HSPH1: variants seen among roughly 807,000 people sequenced by gnomAD.
The protein encoded by HSPH1 is heat shock protein 105 kDa.
Under a neutral mutation model 100.0 loss-of-function variants are expected in HSPH1, and 40 were observed. That is an observed-to-expected ratio of 0.40 (90% confidence interval 0.31 to 0.52). The LOEUF (loss-of-function observed/expected upper bound fraction) is 0.52. Among genes scored for constraint, HSPH1 ranks in the 20% least tolerant of loss-of-function variants. The pLI is 0.54. For synonymous variants in HSPH1, 403 were observed against 344.0 expected (o/e 1.17, Z -1.90); for missense variants, 876 against 1,015.1 (o/e 0.86, Z 1.86).
intron 12 of HSPH1, among the ~76,000 whole-genome samples, chr13:31,141,487 A>C (rs545758852): frequency 2.0e-5 from 3 of 151,992 alleles, no homozygotes; most frequent in Non-Finnish European, 4.4e-5. Context: ...TTTCTCTTCT[A>C]TATTGAACAA....
chr13:31,152,014 G>A (rs762867572), intron 5 of HSPH1: 12 of 324,716 alleles, frequency 3.7e-5, no homozygotes, highest in Admixed American at 9.4e-5. Context: ...ACATAACCAC[G>A]TATCACAGAC....
rs759681676 is a variant in HSPH1 at position 31,154,654 on chromosome 13, T to C, written c.408A>G (p.Pro136=). Reference sequence around the variant, plus strand: ...TTACTGAAATAACACAATCTGTTACTGGTTTCTTGAGGCTGTTTTCAGCAG... The same window carrying C: ...TTACTGAAATAACACAATCTGTTACCGGTTTCTTGAGGCTGTTTTCAGCAG... ...KETAENSLKK[P]VTDCVISVPS... The change falls in exon 4 of 18, where the codon CCA becomes CCG. Residue 136 remains proline (P), a synonymous_variant. Coordinates refer to ENST00000320027, the MANE Select transcript of HSPH1 (RefSeq NM_006644.4). 8.1e-6 allele frequency: 13 copies of C among 1,613,994 alleles called. No individual in the cohort carries two copies. The highest frequency in any genetic ancestry group is 1.3e-5 in the African/African-American group (1 of 74,942).
intron 4 of HSPH1, 23 bp from the exon 5 acceptor site, chr13:31,152,974 G>C: frequency 6.9e-7 from 1 of 1,458,244 alleles, no homozygotes; most frequent in Non-Finnish European, 9.6e-7. Flanking sequence ...AAAAAATTTT[G>C]AATTATCTAG....
At chr13:31,153,153 C>T (rs189405598) in intron 4 of HSPH1, among the ~76,000 whole-genome samples, 148 of 152,202 alleles carry the variant, frequency 9.7e-4, no homozygotes, top group African/African-American at 3.3e-3. Context: ...CCCAAAATTA[C>T]AGGATCAAAA....
In HSPH1 at chr13:31,161,865, C is replaced by T; in HGVS notation, c.-283G>A. The T allele has an allele frequency of 6.7e-7, 1 of 1,484,024 alleles. No individual in the cohort carries two copies. Among genetic ancestry groups the T allele is most frequent in the Non-Finnish European group, 8.9e-7 (1 of 1,118,914 alleles). The allele number at this position is 1,484,024 out of a possible 1,614,324, so 91.9% of individuals were successfully genotyped here. A position where few individuals can be genotyped will look rare whatever the true frequency, so the allele number is the denominator to read the frequency against. Reference sequence around the variant, plus strand: ...CCTCGGGTTGCCTGCCTCACTCTGCCGCGGCTCGCACACCGGCGCCGGCGC... The same window carrying T: ...CCTCGGGTTGCCTGCCTCACTCTGCTGCGGCTCGCACACCGGCGCCGGCGC... On this transcript the variant is annotated 5_prime_UTR_variant, in exon 1 of 18. Transcript: ENST00000320027.
chr13:31,141,268 G>T lies in HSPH1; in HGVS notation c.1717-9C>A. On this transcript the variant is annotated splice_polypyrimidine_tract_variant and intron_variant, in intron 12 of 17. Coordinates refer to ENST00000320027, the MANE Select transcript of HSPH1 (RefSeq NM_006644.4). ...ACTTTTTTTTCATTTGCCTTGGGAA[G>T]AGGAATAAAAAAAGGAAAAAATTTT... The T allele has an allele frequency of 6.3e-7, 1 of 1,577,600 alleles. No homozygotes were observed. The highest frequency in any genetic ancestry group is 8.6e-7 in the Non-Finnish European group (1 of 1,166,090).
intron 12 of HSPH1, among the ~76,000 whole-genome samples, chr13:31,143,128 C>A (rs1956155545): frequency 6.6e-6 from 1 of 152,018 alleles, no homozygotes; most frequent in African/African-American, 2.4e-5. Flanking sequence ...TTACATGTAA[C>A]TTGTACAGAA....
At chr13:31,156,159 G>A (rs1387887619) in intron 2 of HSPH1, among the ~76,000 whole-genome samples, 2 of 152,240 alleles carry the variant, frequency 1.3e-5, no homozygotes, top group African/African-American at 4.8e-5. Context: ...GGGAGGCCAA[G>A]GCGGGTGGAT....
chr13:31,156,578 A>AT (rs397749235), intron 2 of HSPH1, among the ~76,000 whole-genome samples: 55 of 151,712 alleles, frequency 3.6e-4, no homozygotes, highest in Admixed American at 4.6e-4. Flanking sequence ...AAAAAAAAAA[A>AT]TTAAAGTTAA....
Position 31,148,338 on chromosome 13 carries a change from C to A in HSPH1, c.1244+36G>T, listed in dbSNP as rs1277815034. ...GTCATTTGTTAATTTTTCTTCTTTA[C>A]ATTATAGTATCTGAATGTTATTTTC... On this transcript the variant is annotated intron_variant, in intron 9 of 17. Transcript: ENST00000320027. 7 of 1,282,430 alleles carry A rather than the reference C, an allele frequency of 5.5e-6. No individual in the cohort carries two copies. In the Admixed American group the frequency reaches 1.3e-4, roughly 24 times the overall value. The allele number at this position is 1,282,430 out of a possible 1,614,324, so 79.4% of individuals were successfully genotyped here.
At chr13:31,140,996 A>G (rs1408548519) in intron 13 of HSPH1, 126 bp downstream of exon 13, 6 of 582,374 alleles carry the variant, frequency 1.0e-5, no homozygotes, top group Non-Finnish European at 1.7e-5. Flanking sequence ...TCTTCATCCT[A>G]TCCCTAAAAC....
chr13:31,148,299 ACT>A (rs1956344003), intron 9 of HSPH1, 73 bp downstream of exon 9: 1 of 1,048,564 alleles, frequency 9.5e-7, no homozygotes, highest in Non-Finnish European at 1.4e-6. Flanking sequence ...TTTGTTAATG[ACT>A]CTACTAGAGA....
chr13:31,161,808 A>T lies in HSPH1; in HGVS notation c.-226T>A. The T allele has an allele frequency of 6.8e-7, 1 of 1,481,264 alleles. No individual in the cohort carries two copies. Among genetic ancestry groups the T allele is most frequent in the Non-Finnish European group, 8.9e-7 (1 of 1,117,330 alleles). 91.8% of individuals were successfully genotyped at this position (1,481,264 alleles called of 1,614,324 possible). ...TGGCTGATAAGAAACCCTGGGAGAA[A>T]GCGGGGCTCAGCCTCCGCAGGTCGC... On this transcript the variant is annotated 5_prime_UTR_variant, in exon 1 of 18. Coordinates refer to ENST00000320027, the MANE Select transcript of HSPH1 (RefSeq NM_006644.4).
chr13:31,145,038 T>G (rs1956220667), intron 11 of HSPH1, among the ~76,000 whole-genome samples: 2 of 152,170 alleles, frequency 1.3e-5, no homozygotes, highest in South Asian at 4.1e-4. Context: ...CACACAGAAC[T>G]AGCACTCATG....
intron 2 of HSPH1, 29 bp downstream of exon 2, chr13:31,158,777 A>G (rs755189295): frequency 1.3e-6 from 2 of 1,490,532 alleles, no homozygotes; most frequent in Admixed American, 1.7e-5. Context: ...CCCCTTAAAA[A>G]GTGATCCGAA....
intron 5 of HSPH1, chr13:31,152,427 G>A (rs903448730): frequency 5.2e-5 from 9 of 172,684 alleles, no homozygotes; most frequent in African/African-American, 2.2e-4. Flanking sequence ...CATTCAAATA[G>A]TACAGGCTTA....
intron 1 of HSPH1, among the ~76,000 whole-genome samples, chr13:31,160,372 A>T (rs1028029829): frequency 3.9e-5 from 6 of 152,096 alleles, no homozygotes; most frequent in African/African-American, 1.4e-4. Flanking sequence ...CAGATTTTCC[A>T]CTCAACTTTC....
intron 1 of HSPH1, among the ~76,000 whole-genome samples, chr13:31,159,133 A>C (rs1956807492): frequency 6.6e-6 from 1 of 152,200 alleles, no homozygotes; most frequent in Non-Finnish European, 1.5e-5. Context: ...TATGAACCGA[A>C]CATTAACTTT....
rs1311828519 is a variant in HSPH1, at chr13:31,141,103, A to G, written c.1854+19T>C. 6.9e-7 allele frequency: 1 copy of G among 1,448,466 alleles called. No individual in the cohort carries two copies. Among genetic ancestry groups the G allele is most frequent in the Non-Finnish European group, 9.3e-7 (1 of 1,071,206 alleles). The allele number at this position is 1,448,466 out of a possible 1,614,324, so 89.7% of individuals were successfully genotyped here. A position where few individuals can be genotyped will look rare whatever the true frequency, so the allele number is the denominator to read the frequency against. On this transcript the variant is annotated intron_variant, in intron 13 of 17. Coordinates refer to ENST00000320027, the MANE Select transcript of HSPH1 (RefSeq NM_006644.4). ...ACTAAACATATTTCAAAATAAAAAT[A>G]TTTAATTGAAGTACTTACCTCTGTC...
Sources: gnomAD v4.1 joint callset for allele counts (sites outside exome capture counted in the v4.1 genomes callset) on GRCh38, gnomAD v4.1.1 for gene constraint, MANE v1.5 for transcripts, NCBI Gene and HGNC (gene_info 2026-07-23, HGNC 2026-07-21) for gene names.